SRD5A2: variants seen among roughly 807,000 people sequenced by gnomAD.
The protein encoded by SRD5A2 is 3-oxo-5-alpha-steroid 4-dehydrogenase 2.
In SRD5A2, 30 loss-of-function variants were observed where a neutral mutation model predicts 27.4. The observed-to-expected ratio is 1.10, with a 90% CI of 0.82 to 1.49. The LOEUF is 1.49. Among genes scored for constraint, SRD5A2 ranks in the 40% most tolerant of loss-of-function variants. SRD5A2 has a pLI of 0.00. For synonymous variants in SRD5A2, 141 were observed against 133.6 expected (o/e 1.06, Z -0.38); for missense variants, 348 against 323.4 (o/e 1.08, Z -0.58).
chr2:31,637,485 T>G, the SRD5A2 span, among the ~76,000 whole-genome samples: 4 of 152,118 alleles, frequency 2.6e-5, no homozygotes, highest in African/African-American at 9.6e-5. Context: ...GGCAACAACC[T>G]GGAAGTCAAT....
chr2:31,661,035 T>C, the SRD5A2 span, among the ~76,000 whole-genome samples: 1 of 152,240 alleles, frequency 6.6e-6, no homozygotes, highest in East Asian at 1.9e-4. Flanking sequence ...CAGATTTTAG[T>C]CTAGCCACCT....
At chr2:31,638,878 G>A in the SRD5A2 span, among the ~76,000 whole-genome samples, 98 of 151,882 alleles carry the variant, frequency 6.5e-4, no homozygotes, top group African/African-American at 2.2e-3. Flanking sequence ...GTCACTCTGT[G>A]CCTTTGAATT....
the SRD5A2 span, among the ~76,000 whole-genome samples, chr2:31,616,919 T>A: frequency 1.3e-5 from 2 of 152,116 alleles, no homozygotes; most frequent in African/African-American, 4.8e-5. Flanking sequence ...TCCTATGTGT[T>A]GTGGGAGGAA....
intron 1 of SRD5A2, among the ~76,000 whole-genome samples, chr2:31,547,508 C>A (rs531763300): frequency 6.6e-6 from 1 of 152,338 alleles, no homozygotes; most frequent in African/African-American, 2.4e-5. Flanking sequence ...AGGACAAATT[C>A]TTGATCTGTC....
At chr2:31,568,669 G>A (rs1374161563) in intron 1 of SRD5A2, among the ~76,000 whole-genome samples, 8 of 152,254 alleles carry the variant, frequency 5.3e-5, no homozygotes, top group East Asian at 3.9e-4. Context: ...GGTTTCACCC[G>A]AGACCTGCCC....
chr2:31,564,096 T>G (rs577260602), intron 1 of SRD5A2, among the ~76,000 whole-genome samples: 1 of 152,000 alleles, frequency 6.6e-6, no homozygotes, highest in African/African-American at 2.4e-5. Context: ...ATAGGAAAAA[T>G]AATTAATCAG....
the SRD5A2 span, among the ~76,000 whole-genome samples, chr2:31,611,122 A>G: frequency 6.6e-6 from 1 of 152,050 alleles, no homozygotes; most frequent in Non-Finnish European, 1.5e-5. Context: ...AAATAATAAT[A>G]ATTAAAAAAA....
chr2:31,554,931 G>GTGTGTGTC, intron 1 of SRD5A2, among the ~76,000 whole-genome samples: 1 of 124,554 alleles, frequency 8.0e-6, no homozygotes, highest in Non-Finnish European at 1.7e-5. Context: ...GATCGTGTGT[G>GTGTGTGTC]TGTGTGTGTG....
the SRD5A2 span, among the ~76,000 whole-genome samples, chr2:31,589,183 AAGT>A: frequency 3.3e-5 from 5 of 152,130 alleles, no homozygotes; most frequent in African/African-American, 4.8e-5. Flanking sequence ...CAAAACATAA[AAGT>A]AGAAGAAGCA....
the SRD5A2 span, among the ~76,000 whole-genome samples, chr2:31,613,106 G>T: frequency 6.6e-6 from 1 of 152,146 alleles, no homozygotes; most frequent in Non-Finnish European, 1.5e-5. Flanking sequence ...CATTGAGCTG[G>T]TTAATGACTT....
chr2:31,580,694 G>A lies in SRD5A2; in HGVS notation c.207C>T (p.Ala69=), dbSNP rs61750386. 2 of 1,601,672 alleles carry A rather than the reference G, an allele frequency of 1.2e-6. No homozygotes were observed. Among genetic ancestry groups the A allele is most frequent in the South Asian group, 1.1e-5 (1 of 90,576 alleles). The stretch of plus-strand genomic sequence containing the variant: ...GCCCGAAGAGGGAGAGGGGCTGCCG[G>A]GCGAGGATCCCCGCGGGCACCGCGA... ...PSFAVPAGIL[A]RQPLSLFGPP... Residue 69 remains alanine (A), a synonymous_variant, in exon 1 of 5, where the codon GCC becomes GCT. Transcript: ENST00000622030.
the SRD5A2 span, among the ~76,000 whole-genome samples, chr2:31,643,550 A>G: frequency 6.6e-6 from 1 of 152,124 alleles, no homozygotes; most frequent in South Asian, 2.1e-4. Context: ...GTGCATACGT[A>G]GTACCTAGAT....
At chr2:31,552,500 C>T (rs866933887) in intron 1 of SRD5A2, among the ~76,000 whole-genome samples, 16 of 152,090 alleles carry the variant, frequency 1.1e-4, no homozygotes, top group South Asian at 2.1e-4. Context: ...ATGGAAAGGG[C>T]GTAAACAGAT....
At chr2:31,554,990 C>T (rs1666466419) in intron 1 of SRD5A2, among the ~76,000 whole-genome samples, 1 of 146,468 alleles carries the variant, frequency 6.8e-6, no homozygotes, top group Non-Finnish European at 1.5e-5. Context: ...TGTGTTACCG[C>T]CAGGCCAGTG....
At chr2:31,559,838 ACACACAC>A (rs1558368822) in intron 1 of SRD5A2, among the ~76,000 whole-genome samples, 3,510 of 146,088 alleles carry the variant, frequency 0.024, 77 homozygotes, top group African/African-American at 0.05. Flanking sequence ...AAACAAACCC[ACACACAC>A]ACACACACAC....
the SRD5A2 span, among the ~76,000 whole-genome samples, chr2:31,631,283 T>C: frequency 3.7e-4 from 56 of 152,216 alleles, no homozygotes; most frequent in African/African-American, 1.3e-3. Flanking sequence ...CCCCTTTCTT[T>C]GTGGTCAAGA....
chr2:31,536,263 A>T (rs1010584098), intron 1 of SRD5A2, among the ~76,000 whole-genome samples: 1 of 152,240 alleles, frequency 6.6e-6, no homozygotes, highest in Admixed American at 6.5e-5. Flanking sequence ...CAGGCTCACT[A>T]CTGTAACAAA....
In SRD5A2 at chr2:31,580,721, G is replaced by A. The variant is rs1170372231; in HGVS notation, c.180C>T (p.Ser60=). 2 of 1,607,318 alleles carry A rather than the reference G, an allele frequency of 1.2e-6. No homozygotes were observed. The highest frequency in any genetic ancestry group is 8.5e-7 in the Non-Finnish European group (1 of 1,179,346). The change falls in exon 1 of 5, where the codon TCC becomes TCT. Residue 60 remains serine, a synonymous_variant. Transcript: ENST00000622030. ...CGAGGATCCCCGCGGGCACCGCGAA[G>A]GAAGGCAGCTCCTGCAGGAACCAGG... ...RAAWFLQELP[S]FAVPAGILAR...
chr2:31,621,376 C>A, the SRD5A2 span, among the ~76,000 whole-genome samples: 2 of 151,988 alleles, frequency 1.3e-5, no homozygotes, highest in Non-Finnish European at 2.9e-5. Flanking sequence ...GGTATGTAAC[C>A]ATTTGGGATT....
Sources: gnomAD v4.1 joint callset for allele counts (sites outside exome capture counted in the v4.1 genomes callset) on GRCh38, gnomAD v4.1.1 for gene constraint, MANE v1.5 for transcripts, NCBI Gene and HGNC (gene_info 2026-07-23, HGNC 2026-07-21) for gene names.